The following CPS1 variants were observed in gnomAD, a reference collection of about 807,000 sequenced individuals.
CPS1 encodes the protein carbamoyl-phosphate synthase [ammonia], mitochondrial.
In CPS1, 109 loss-of-function variants were observed where a neutral mutation model predicts 174.6. The observed-to-expected ratio is 0.62, with a 90% CI of 0.53 to 0.73. CPS1 has a LOEUF of 0.73. Among genes scored for constraint, CPS1 ranks in the 30% least tolerant of loss-of-function variants. CPS1 has a pLI of 0.00. For synonymous variants in CPS1, 637 were observed against 632.0 expected (o/e 1.01, Z -0.12); for missense variants, 1,689 against 1,821.9 (o/e 0.93, Z 1.33).
chr2:210,505,446 A>G (rs1695252138), intron 1 of CPS1, among the ~76,000 whole-genome samples: 1 of 152,122 alleles, frequency 6.6e-6, no homozygotes, highest in South Asian at 2.1e-4. Context: ...GCTCCAGTCT[A>G]CTGCTCCCGG....
intron 1 of CPS1, among the ~76,000 whole-genome samples, chr2:210,518,588 G>A (rs1176180514): frequency 6.6e-6 from 1 of 151,942 alleles, no homozygotes; most frequent in Admixed American, 6.6e-5. Flanking sequence ...CAGCCATGTT[G>A]GACCTTGGGA....
At chr2:210,607,078 G>C (rs1033523516) in intron 18 of CPS1, 137 bp downstream of exon 18, 1 of 728,028 alleles carries the variant, frequency 1.4e-6, no homozygotes, top group Middle Eastern at 4.0e-4. Context: ...ATCATTTATA[G>C]CACCCTGAGG....
intron 34 of CPS1, among the ~76,000 whole-genome samples, chr2:210,669,124 T>G (rs1574667678): frequency 6.6e-6 from 1 of 152,298 alleles, no homozygotes; most frequent in South Asian, 2.1e-4. Context: ...AATGAATATC[T>G]TTATGCAATA....
At chr2:210,624,697 A>G (rs1325625701) in intron 21 of CPS1, among the ~76,000 whole-genome samples, 1 of 152,000 alleles carries the variant, frequency 6.6e-6, no homozygotes, top group East Asian at 1.9e-4. Flanking sequence ...GAGAGTCTTC[A>G]TTTGTTATTT....
At chr2:210,490,684 G>T (rs1694853146) in intron 1 of CPS1, among the ~76,000 whole-genome samples, 1 of 152,224 alleles carries the variant, frequency 6.6e-6, no homozygotes, top group South Asian at 2.1e-4. Flanking sequence ...TCAATGGTGA[G>T]CCAGGGCTAT....
intron 1 of CPS1, among the ~76,000 whole-genome samples, chr2:210,550,351 T>A (rs2106025567): frequency 6.6e-6 from 1 of 152,078 alleles, no homozygotes; most frequent in Non-Finnish European, 1.5e-5. Flanking sequence ...TCCATGCTGT[T>A]GCCCCTGTTT....
At chr2:210,535,156 C>T (rs921108309) in intron 1 of CPS1, among the ~76,000 whole-genome samples, 15 of 152,164 alleles carry the variant, frequency 9.9e-5, no homozygotes, top group African/African-American at 3.6e-4. Context: ...CTCTGAAACT[C>T]TAGGAGGCTT....
chr2:210,517,033 GT>G (rs1399568800), intron 1 of CPS1, among the ~76,000 whole-genome samples: 3 of 151,706 alleles, frequency 2.0e-5, no homozygotes, highest in African/African-American at 7.3e-5. Flanking sequence ...TTGGTGCTGA[GT>G]TTTGGCTTAG....
At chr2:210,566,182 A>T (rs1209801485) in intron 1 of CPS1, among the ~76,000 whole-genome samples, 2 of 151,944 alleles carry the variant, frequency 1.3e-5, no homozygotes, top group African/African-American at 4.8e-5. Context: ...TGCTGACCTC[A>T]CTCCTCACAG....
At chr2:210,553,601 T>G (rs548846294), upstream of CPS1, among the ~76,000 whole-genome samples, 2 of 152,128 alleles carry the variant, frequency 1.3e-5, no homozygotes, top group East Asian at 3.9e-4. Flanking sequence ...TGTGTGTGCC[T>G]GCATTCATGC....
At chr2:210,528,046 A>G (rs921007135) in intron 1 of CPS1, among the ~76,000 whole-genome samples, 1 of 151,944 alleles carries the variant, frequency 6.6e-6, no homozygotes, top group Non-Finnish European at 1.5e-5. Flanking sequence ...ATATAGGGAT[A>G]TTGTTAATTT....
chr2:210,556,462 G>A (rs1696915691), upstream of CPS1: 2 of 814,656 alleles, frequency 2.5e-6, no homozygotes, highest in South Asian at 2.9e-5. Context: ...TATTTTAGCA[G>A]GAGAAGGTAG....
At chr2:210,630,822 C>T (rs1466410186) in intron 21 of CPS1, among the ~76,000 whole-genome samples, 1 of 152,168 alleles carries the variant, frequency 6.6e-6, no homozygotes, top group Non-Finnish European at 1.5e-5. Flanking sequence ...AATAATTTCT[C>T]CACTGATGGC....
chr2:210,635,073 A>G (rs1700002996), intron 21 of CPS1, among the ~76,000 whole-genome samples: 1 of 152,026 alleles, frequency 6.6e-6, no homozygotes, highest in African/African-American at 2.4e-5. Flanking sequence ...CCTCTTGAGT[A>G]GCTGGGATTA....
At chr2:210,627,524 A>T (rs1699732221) in intron 21 of CPS1, among the ~76,000 whole-genome samples, 1 of 152,184 alleles carries the variant, frequency 6.6e-6, no homozygotes, top group Non-Finnish European at 1.5e-5. Flanking sequence ...TCAGCTGCTA[A>T]TTTATACTTG....
rs542105403 is a variant in CPS1 at position 210,497,003 on chromosome 2, T to G, written c.3+19237T>G. 4.6e-5 allele frequency among the ~76,000 whole-genome samples: 7 copies of G among 152,338 alleles called. No homozygotes were observed. In the East Asian group the frequency reaches 1.2e-3, roughly 25 times the overall value. On this transcript the variant is annotated intron_variant, in intron 1 of 38. Coordinates refer to the CPS1 transcript ENST00000430249. ...TTTTATCAAATAGGGAATGGAAATC[T>G]TTTAACTGATTATATCTTTCCTTCT... is the stretch of plus-strand genomic sequence containing the variant.
At chr2:210,642,779 A>G in intron 25 of CPS1, 114 bp downstream of exon 25, 2 of 981,570 alleles carry the variant, frequency 2.0e-6, no homozygotes, top group Non-Finnish European at 3.0e-6. Flanking sequence ...CTTAGAAGAA[A>G]GGGCTGCCAG....
intron 21 of CPS1, among the ~76,000 whole-genome samples, chr2:210,620,872 A>G (rs1699496852): frequency 6.6e-6 from 1 of 152,002 alleles, no homozygotes; most frequent in African/African-American, 2.4e-5. Context: ...AAACATAAAA[A>G]CTATATCAAC....
intron 1 of CPS1, among the ~76,000 whole-genome samples, chr2:210,557,067 A>G (rs375983100): frequency 6.6e-6 from 1 of 152,228 alleles, no homozygotes; most frequent in East Asian, 1.9e-4. Context: ...TTTACCCAAC[A>G]TAAAGAATGA....
Sources: allele counts gnomAD v4.1 joint callset (sites outside exome capture counted in the v4.1 genomes callset), GRCh38; gene constraint gnomAD v4.1.1; transcripts MANE v1.5; gene names NCBI Gene and HGNC (gene_info 2026-07-23, HGNC 2026-07-21).